The following PRKAG2 variants were observed in gnomAD, a reference collection of about 807,000 sequenced individuals.
The protein encoded by PRKAG2 is 5'-AMP-activated protein kinase subunit gamma-2.
A neutral mutation model predicts 69.6 loss-of-function variants in PRKAG2; 26 were observed. The observed-to-expected ratio is 0.37, with a 90% confidence interval of 0.27 to 0.52. The LOEUF is 0.52. PRKAG2 is among the 20% of genes least tolerant of loss of function. The pLI, the probability that PRKAG2 is intolerant of heterozygous loss-of-function variation, is 0.90. For synonymous variants in PRKAG2, 293 were observed against 285.0 expected (o/e 1.03, Z -0.28); for missense variants, 557 against 740.0 (o/e 0.75, Z 2.87).
chr7:151,705,714 A>T (rs1478563424), intron 3 of PRKAG2, among the ~76,000 whole-genome samples: 1 of 152,090 alleles, frequency 6.6e-6, no homozygotes, highest in African/African-American at 2.4e-5. Context: ...CTTCAAATTA[A>T]TTTCAGTCTC....
At chr7:151,613,771 G>A (rs1221679703) in intron 5 of PRKAG2, among the ~76,000 whole-genome samples, 1 of 145,524 alleles carries the variant, frequency 6.9e-6, no homozygotes, top group African/African-American at 2.6e-5. Flanking sequence ...GTGCTTACAG[G>A]TGTGAGCCAC....
chr7:151,779,469 C>T (rs370448867), intron 3 of PRKAG2, among the ~76,000 whole-genome samples: 28 of 152,316 alleles, frequency 1.8e-4, no homozygotes, highest in African/African-American at 6.5e-4. Context: ...TAGAGGGAGG[C>T]GGAGGGTGAT....
chr7:151,808,645 T>C (rs1244847755), intron 1 of PRKAG2, among the ~76,000 whole-genome samples: 1 of 151,072 alleles, frequency 6.6e-6, no homozygotes, highest in Non-Finnish European at 1.5e-5. Context: ...CAGGAGACAG[T>C]AGGGGAGATG....
In PRKAG2 at chr7:151,683,829, G is replaced by A. The variant is rs978539472; in HGVS notation, c.467-8192C>T. On this transcript the variant is annotated intron_variant, in intron 3 of 15. Transcript: ENST00000287878. ...CAGCAGGCAGGCGGAGACCCTGGGC[G>A]GCGCGAGACCCTGTGTGACACAAGT... Among the ~76,000 whole-genome samples the A allele has an allele frequency of 3.3e-5, 5 of 152,176 alleles. No individual in the cohort carries two copies. In the East Asian group the frequency reaches 5.8e-4, roughly 18 times the overall value.
intron 1 of PRKAG2, among the ~76,000 whole-genome samples, chr7:151,799,360 T>G (rs996016413): frequency 6.6e-6 from 1 of 152,238 alleles, no homozygotes; most frequent in African/African-American, 2.4e-5. Flanking sequence ...TTCCACTACA[T>G]AAGCTGGTAA....
chr7:151,808,080 C>A (rs992912304), intron 1 of PRKAG2, among the ~76,000 whole-genome samples: 1 of 152,296 alleles, frequency 6.6e-6, no homozygotes, highest in African/African-American at 2.4e-5. Flanking sequence ...CCGGCCACAG[C>A]GGGCGGGGCT....
At chr7:151,673,712 C>T (rs555877093) in intron 4 of PRKAG2, among the ~76,000 whole-genome samples, 1 of 152,244 alleles carries the variant, frequency 6.6e-6, no homozygotes, top group East Asian at 1.9e-4. Context: ...GACCGTATCT[C>T]CTAAAAAGAG....
At chr7:151,851,328 T>C (rs1222354065) in intron 1 of PRKAG2, among the ~76,000 whole-genome samples, 6 of 150,650 alleles carry the variant, frequency 4.0e-5, no homozygotes, top group South Asian at 2.1e-4. Context: ...ACTGGCGAGT[T>C]TGGGGCCTCT....
intron 4 of PRKAG2, 65 bp downstream of exon 4, chr7:151,675,355 G>A (rs763354659): frequency 6.8e-7 from 1 of 1,477,328 alleles, no homozygotes; most frequent in Non-Finnish European, 9.4e-7. Flanking sequence ...TCAGCTTGGG[G>A]CAATAACTGC....
intron 3 of PRKAG2, among the ~76,000 whole-genome samples, chr7:151,689,647 CG>C (rs1479878889): frequency 6.6e-6 from 1 of 152,180 alleles, no homozygotes; most frequent in African/African-American, 2.4e-5. Context: ...GGCCAGGTGG[CG>C]GCTGCAGCCG....
At chr7:151,585,738 TG>T in intron 6 of PRKAG2, among the ~76,000 whole-genome samples, 1 of 152,340 alleles carries the variant, frequency 6.6e-6, no homozygotes, top group South Asian at 2.1e-4. Context: ...TTCAAGTCAT[TG>T]TTCCAAAGCT....
At chr7:151,809,007 C>T (rs1382595011) in intron 1 of PRKAG2, among the ~76,000 whole-genome samples, 2 of 152,294 alleles carry the variant, frequency 1.3e-5, no homozygotes, top group East Asian at 3.9e-4. Context: ...TCCTTCCAAT[C>T]GTCCCCCTGG....
intron 4 of PRKAG2, among the ~76,000 whole-genome samples, chr7:151,636,701 T>C (rs1825789656): frequency 6.8e-6 from 1 of 146,950 alleles, no homozygotes; most frequent in African/African-American, 2.6e-5. Flanking sequence ...GTTTAATATA[T>C]ATATATTTTA....
chr7:151,798,750 A>T (rs551662991), intron 1 of PRKAG2, among the ~76,000 whole-genome samples: 1 of 152,308 alleles, frequency 6.6e-6, no homozygotes, highest in Admixed American at 6.5e-5. Flanking sequence ...GTGTCACCAG[A>T]AGTGTGGAGC....
At chr7:151,759,496 G>A (rs1410704853) in intron 3 of PRKAG2, among the ~76,000 whole-genome samples, 1 of 152,194 alleles carries the variant, frequency 6.6e-6, no homozygotes, top group East Asian at 1.9e-4. Flanking sequence ...AGGTTCTCAT[G>A]TAACGTGGTG....
At chr7:151,742,906 T>A (rs928736580) in intron 3 of PRKAG2, among the ~76,000 whole-genome samples, 1 of 152,166 alleles carries the variant, frequency 6.6e-6, no homozygotes, top group African/African-American at 2.4e-5. Context: ...ATCCCACGAT[T>A]AGAGATGAAC....
At chr7:151,747,887 A>C (rs1348824398) in intron 3 of PRKAG2, among the ~76,000 whole-genome samples, 2 of 151,718 alleles carry the variant, frequency 1.3e-5, no homozygotes. Flanking sequence ...AGGGGGTGAA[A>C]ATCACCTCTT....
intron 3 of PRKAG2, among the ~76,000 whole-genome samples, chr7:151,749,039 TC>T (rs2074490041): frequency 6.6e-6 from 1 of 152,234 alleles, no homozygotes; most frequent in Non-Finnish European, 1.5e-5. Flanking sequence ...CTGACGGTTT[TC>T]CTCATAGAGG....
intron 3 of PRKAG2, among the ~76,000 whole-genome samples, chr7:151,757,377 A>G (rs1330114778): frequency 2.6e-5 from 4 of 152,096 alleles, no homozygotes; most frequent in Admixed American, 6.5e-5. Flanking sequence ...TCTCTGAAAG[A>G]CTCATTCGAA....
Sources: allele counts gnomAD v4.1 joint callset (sites outside exome capture counted in the v4.1 genomes callset), GRCh38; gene constraint gnomAD v4.1.1; transcripts MANE v1.5; gene names NCBI Gene and HGNC (gene_info 2026-07-23, HGNC 2026-07-21).